Variants in KMT2C observed in about 807,000 individuals in gnomAD.
The protein encoded by KMT2C is histone-lysine N-methyltransferase 2C.
Under a neutral mutation model 507.9 loss-of-function variants are expected in KMT2C, and 88 were observed. The ratio of observed to expected loss-of-function variants is 0.17; its 90% CI spans 0.15 to 0.21. The LOEUF (loss-of-function observed/expected upper bound fraction) is 0.21, where lower values mean the gene tolerates loss of function less well. Among genes scored for constraint, KMT2C ranks in the 10% least tolerant of loss-of-function variants. KMT2C has a pLI of 1.00. For synonymous variants in KMT2C, 2,049 were observed against 2,080.8 expected (o/e 0.98, Z 0.42); for missense variants, 4,954 against 5,957.8 (o/e 0.83, Z 5.55).
chr7:152,318,304 G>T (rs1400514696), intron 3 of KMT2C, among the ~76,000 whole-genome samples: 2 of 151,186 alleles, frequency 1.3e-5, no homozygotes, highest in Non-Finnish European at 3.0e-5. Flanking sequence ...ATTAAAATTA[G>T]ATCTAACAAT....
At chr7:152,172,218 C>G (rs1366972531) in intron 39 of KMT2C, among the ~76,000 whole-genome samples, 4 of 152,198 alleles carry the variant, frequency 2.6e-5, no homozygotes, top group Non-Finnish European at 5.9e-5. Flanking sequence ...CACACATGGT[C>G]TATCATCCTA....
At chr7:152,395,306 C>CACT (rs1490397600) in intron 1 of KMT2C, among the ~76,000 whole-genome samples, 1 of 151,600 alleles carries the variant, frequency 6.6e-6, no homozygotes, top group Non-Finnish European at 1.5e-5. Flanking sequence ...CATCTCGACT[C>CACT]CTGAGTAGCT....
intron 6 of KMT2C, among the ~76,000 whole-genome samples, chr7:152,289,354 A>C (rs2096365342): frequency 6.6e-6 from 1 of 152,246 alleles, no homozygotes; most frequent in African/African-American, 2.4e-5. Flanking sequence ...ATGAAGCAGC[A>C]AAAATCATTA....
intron 1 of KMT2C, among the ~76,000 whole-genome samples, chr7:152,389,152 G>T (rs1214409832): frequency 6.6e-6 from 1 of 152,108 alleles, no homozygotes; most frequent in Admixed American, 6.5e-5. Context: ...AAAGTGCTGG[G>T]ATTACAGGCA....
chr7:152,190,943 T>A (rs1018066078), intron 31 of KMT2C, among the ~76,000 whole-genome samples: 4 of 152,192 alleles, frequency 2.6e-5, no homozygotes, highest in African/African-American at 9.6e-5. Flanking sequence ...CAAGATCCTA[T>A]ACCTCTCACT....
intron 2 of KMT2C, among the ~76,000 whole-genome samples, chr7:152,357,906 T>G (rs1031772881): frequency 1.3e-5 from 2 of 152,218 alleles, no homozygotes; most frequent in African/African-American, 4.8e-5. Context: ...CAAGATGATA[T>G]TCAACTTCAG....
chr7:152,174,256 A>C lies in KMT2C; in HGVS notation c.9263-14T>G, dbSNP rs1055175363. The C allele has an allele frequency of 1.5e-6, 2 of 1,339,524 alleles. No homozygotes were observed. Among genetic ancestry groups the C allele is most frequent in the African/African-American group, 2.9e-5 (2 of 68,840 alleles). 83.0% of individuals were successfully genotyped at this position (1,339,524 alleles called of 1,614,324 possible). ...TTGCATCAAAATCTAGAAAAGAAAT[A>C]TAAAGTTACTTATTTCATAGTAATT... On this transcript the variant is annotated splice_polypyrimidine_tract_variant and intron_variant, in intron 38 of 58. Transcript: ENST00000262189.
chr7:152,337,874 A>T (rs10259904), intron 2 of KMT2C, among the ~76,000 whole-genome samples: 6,922 of 143,244 alleles, frequency 0.048, 546 homozygotes, highest in African/African-American at 0.18. Flanking sequence ...TTTTTTTTTT[A>T]AAGACAGAGT....
chr7:152,323,834 T>A (rs55695505), intron 3 of KMT2C, among the ~76,000 whole-genome samples: 4 of 126,948 alleles, frequency 3.2e-5, no homozygotes, highest in Admixed American at 1.7e-4. Flanking sequence ...TAAGGAAGAG[T>A]GGGGAGAGAG....
intron 38 of KMT2C, 74 bp from the exon 39 acceptor site, chr7:152,174,316 A>G: frequency 1.4e-6 from 1 of 704,264 alleles, no homozygotes; most frequent in Non-Finnish European, 2.4e-6. Flanking sequence ...TTCAAATATT[A>G]CAAGCTCTTA....
intron 25 of KMT2C, among the ~76,000 whole-genome samples, chr7:152,204,636 TAGAC>T (rs71198765): frequency 1.3e-4 from 17 of 127,476 alleles, no homozygotes; most frequent in South Asian, 5.0e-4. Flanking sequence ...GATAGATAGA[TAGAC>T]AGACAGATAC....
intron 3 of KMT2C, among the ~76,000 whole-genome samples, chr7:152,323,838 GA>G (rs377315600): frequency 2.1e-5 from 3 of 145,968 alleles, no homozygotes; most frequent in East Asian, 2.0e-4. Context: ...GAAGAGTGGG[GA>G]GAGAGAGAGA....
At chr7:152,218,024 T>G (rs937124978) in intron 23 of KMT2C, among the ~76,000 whole-genome samples, 1 of 152,228 alleles carries the variant, frequency 6.6e-6, no homozygotes, top group Non-Finnish European at 1.5e-5. Flanking sequence ...AAACTCCAAC[T>G]GCCCAAATCA....
In KMT2C at chr7:152,248,101, T is replaced by C. The variant is rs1472062663; in HGVS notation, c.2333A>G (p.Lys778Arg). Residue 778 changes from lysine (K) to arginine (R), a missense_variant, in exon 14 of 59, where the codon AAG (lysine) becomes AGG (arginine). This residue lies in a region of KMT2C where 20 missense variants were observed against 53.1 expected (regional missense o/e 0.38). Coordinates refer to ENST00000262189, the MANE Select transcript of KMT2C (RefSeq NM_170606.3). The stretch of plus-strand genomic sequence containing the variant: ...TGTTGGGGAGGAAGACACATCTGCC[T>C]TGCTTATGTCTGCTGATGATGAAAA... ...SSFSSSADIS[K>R]ADVSSSPTPS... is the part of the protein sequence containing the mutation. 1 of 1,614,226 alleles carries C rather than the reference T, an allele frequency of 6.2e-7. No homozygotes were observed. The highest frequency in any genetic ancestry group is 8.5e-7 in the Non-Finnish European group (1 of 1,180,004).
At chr7:152,397,434 T>C (rs1025485139) in intron 1 of KMT2C, among the ~76,000 whole-genome samples, 8 of 152,152 alleles carry the variant, frequency 5.3e-5, no homozygotes, top group African/African-American at 1.9e-4. Context: ...TATAACCTTC[T>C]AAGGGCTTTT....
chr7:152,343,926 G>A (rs1589318153), intron 2 of KMT2C, among the ~76,000 whole-genome samples: 1 of 152,062 alleles, frequency 6.6e-6, no homozygotes, highest in Non-Finnish European at 1.5e-5. Flanking sequence ...GAACGGTACA[G>A]GTCAAAAACT....
intron 6 of KMT2C, among the ~76,000 whole-genome samples, chr7:152,309,183 T>A (rs1441505757): frequency 6.6e-6 from 1 of 152,190 alleles, no homozygotes; most frequent in Non-Finnish European, 1.5e-5. Context: ...AGTTACCACA[T>A]GAATGTATAA....
chr7:152,147,946 G>T, intron 52 of KMT2C, 87 bp downstream of exon 52: 1 of 1,375,118 alleles, frequency 7.3e-7, no homozygotes, highest in Non-Finnish European at 9.8e-7. Context: ...ACTAACATGA[G>T]ACAAACATGG....
At chr7:152,147,563 C>T (rs1318552146) in intron 52 of KMT2C, among the ~76,000 whole-genome samples, 26 of 151,704 alleles carry the variant, frequency 1.7e-4, no homozygotes, top group Admixed American at 1.1e-3. Context: ...AAAAATTAGC[C>T]GGGCATGGTA....
Sources: allele counts gnomAD v4.1 joint callset (sites outside exome capture counted in the v4.1 genomes callset), GRCh38; gene constraint gnomAD v4.1.1; regional missense constraint gnomAD v4.1.1; transcripts MANE v1.5; gene names NCBI Gene and HGNC (gene_info 2026-07-23, HGNC 2026-07-21).